MICU2: variants seen among roughly 807,000 people sequenced by gnomAD.
MICU2 encodes the protein mitochondrial calcium uptake 2.
Under a neutral mutation model 60.4 loss-of-function variants are expected in MICU2, and 64 were observed. The ratio of observed to expected loss-of-function variants is 1.06; its 90% CI spans 0.87 to 1.31. The LOEUF is 1.31. MICU2 is among the 50% of genes most tolerant of loss of function. The probability of loss-of-function intolerance (pLI) is 0.00; values close to 1 mark genes in which losing one functional copy is unlikely to be tolerated. For synonymous variants in MICU2, 201 were observed against 175.0 expected, an observed-to-expected ratio of 1.15 and a Z score of -1.17; for missense variants, 569 against 531.0, an observed-to-expected ratio of 1.07 and a Z score of -0.70.
intron 4 of MICU2, among the ~76,000 whole-genome samples, chr13:21,537,597 G>A (rs1352338443): frequency 6.6e-6 from 1 of 151,740 alleles, no homozygotes; most frequent in Non-Finnish European, 1.5e-5. Context: ...AGCCTCCTGA[G>A]TAGCTGGGAT....
intron 1 of MICU2, among the ~76,000 whole-genome samples, chr13:21,575,186 AT>A (rs1376315784): frequency 2.0e-5 from 3 of 151,326 alleles, no homozygotes; most frequent in South Asian, 2.1e-4. Context: ...TACACACATA[AT>A]TTTTTTTTCA....
chr13:21,585,711 C>T (rs946783170), intron 1 of MICU2, among the ~76,000 whole-genome samples: 5 of 152,122 alleles, frequency 3.3e-5, no homozygotes, highest in African/African-American at 1.2e-4. Context: ...GACAAAGATT[C>T]TACAACTAAT....
intron 2 of MICU2, among the ~76,000 whole-genome samples, chr13:21,558,178 G>C (rs1203519452): frequency 6.6e-6 from 1 of 152,146 alleles, no homozygotes; most frequent in Non-Finnish European, 1.5e-5. Context: ...TTTTAATGAA[G>C]ACTATCGCCC....
rs1444795451 is a variant in MICU2, at chr13:21,493,226, T to A, written c.*23A>T. 6.7e-7 allele frequency: 1 copy of A among 1,499,198 alleles called. No individual in the cohort carries two copies. The allele number at this position is 1,499,198 out of a possible 1,614,324, so 92.9% of individuals were successfully genotyped here. A position where few individuals can be genotyped will look rare whatever the true frequency, so the allele number is the denominator to read the frequency against. ...AATTTTGACATTTGGAACAATATAA[T>A]TGCCATACTATTATATCTTTTATTA... On this transcript the variant is annotated 3_prime_UTR_variant, in exon 12 of 12. Coordinates refer to ENST00000382374, the MANE Select transcript of MICU2 (RefSeq NM_152726.3).
At chr13:21,550,405 G>C (rs1294835590) in intron 2 of MICU2, among the ~76,000 whole-genome samples, 1 of 152,134 alleles carries the variant, frequency 6.6e-6, no homozygotes. Flanking sequence ...GAGTACAGCG[G>C]CATGTGCCTG....
At chr13:21,574,928 A>T (rs573298246) in intron 1 of MICU2, among the ~76,000 whole-genome samples, 40 of 152,368 alleles carry the variant, frequency 2.6e-4, no homozygotes, top group Admixed American at 1.8e-3. Context: ...GCCAGACTAA[A>T]TTAAAAATAT....
chr13:21,517,787 A>ACGCG (rs1345002997), intron 6 of MICU2, among the ~76,000 whole-genome samples: 2 of 95,094 alleles, frequency 2.1e-5, no homozygotes, highest in African/African-American at 4.0e-5. Flanking sequence ...ACACACACAC[A>ACGCG]CACACACACA....
Position 21,580,953 on chromosome 13 carries a change from T to G in MICU2, c.211-14009A>C, listed in dbSNP as rs565748017. Among the ~76,000 whole-genome samples, 56 of 152,144 alleles carry G rather than the reference T, an allele frequency of 3.7e-4. 4 individuals carry two copies. The South Asian group carries it at 0.011, about 31-fold the overall frequency. On this transcript the variant is annotated intron_variant, in intron 1 of 11. Coordinates refer to ENST00000382374, the MANE Select transcript of MICU2 (RefSeq NM_152726.3). Reference sequence around the variant, plus strand: ...TAAAACAGGGCTAACTGGGTTAGAATAGAGAATGTACAGAGTCAGAACAAA... The same window carrying G: ...TAAAACAGGGCTAACTGGGTTAGAAGAGAGAATGTACAGAGTCAGAACAAA...
intron 2 of MICU2, among the ~76,000 whole-genome samples, chr13:21,565,818 G>A (rs1416039527): frequency 6.6e-6 from 1 of 152,200 alleles, no homozygotes; most frequent in African/African-American, 2.4e-5. Context: ...GGGAGACAGA[G>A]CAAGACTCTG....
chr13:21,544,054 G>C (rs977636896), intron 2 of MICU2, among the ~76,000 whole-genome samples: 1 of 152,108 alleles, frequency 6.6e-6, no homozygotes, highest in Admixed American at 6.6e-5. Context: ...AAGAACCTAA[G>C]TTGAGGAGAG....
intron 2 of MICU2, among the ~76,000 whole-genome samples, chr13:21,544,528 A>AAC (rs1276455416): frequency 7.4e-5 from 11 of 148,088 alleles, no homozygotes; most frequent in Admixed American, 2.7e-4. Flanking sequence ...AAAAAAAAAA[A>AAC]AAAAAACTCA....
At chr13:21,551,706 C>A (rs867214199) in intron 2 of MICU2, among the ~76,000 whole-genome samples, 3 of 150,506 alleles carry the variant, frequency 2.0e-5, no homozygotes, top group African/African-American at 7.3e-5. Flanking sequence ...TTAGTCCTTG[C>A]GATAGTTTGC....
intron 4 of MICU2, among the ~76,000 whole-genome samples, chr13:21,526,279 T>C (rs1392704173): frequency 6.6e-6 from 1 of 151,954 alleles, no homozygotes; most frequent in African/African-American, 2.4e-5. Context: ...TCTCTCTTAA[T>C]ATATACGTTT....
chr13:21,586,582 T>C (rs912586192), intron 1 of MICU2, among the ~76,000 whole-genome samples: 5 of 152,098 alleles, frequency 3.3e-5, no homozygotes, highest in Non-Finnish European at 7.4e-5. Flanking sequence ...CATTTTTTTT[T>C]CTATTTTTTT....
intron 1 of MICU2, chr13:21,603,692 A>G (rs1888879907): frequency 3.6e-6 from 2 of 552,114 alleles, no homozygotes; most frequent in Admixed American, 3.5e-5. Flanking sequence ...CGTGGTGTTC[A>G]GCGTCCGCGG....
At chr13:21,564,362 C>T (rs1021045012) in intron 2 of MICU2, among the ~76,000 whole-genome samples, 1 of 152,130 alleles carries the variant, frequency 6.6e-6, no homozygotes, top group African/African-American at 2.4e-5. Flanking sequence ...AAAATTTCCT[C>T]TGGTGCCTTT....
intron 1 of MICU2, among the ~76,000 whole-genome samples, chr13:21,602,213 C>A (rs1566174807): frequency 2.0e-5 from 3 of 150,916 alleles, no homozygotes; most frequent in Admixed American, 1.3e-4. Context: ...AGAAGATTAA[C>A]CTAAGGGTCT....
intron 1 of MICU2, among the ~76,000 whole-genome samples, chr13:21,574,116 G>A (rs1312608584): frequency 1.3e-5 from 2 of 152,198 alleles, no homozygotes; most frequent in Admixed American, 1.3e-4. Context: ...GGTATGGAAT[G>A]CAGTGGTGGA....
chr13:21,523,506 TA>T (rs1019584156), intron 4 of MICU2, among the ~76,000 whole-genome samples: 1 of 152,242 alleles, frequency 6.6e-6, no homozygotes, highest in African/African-American at 2.4e-5. Context: ...TAAAACGTAG[TA>T]ATTAGTTCTT....
Sources: gnomAD v4.1 joint callset for allele counts (sites outside exome capture counted in the v4.1 genomes callset) on GRCh38, gnomAD v4.1.1 for gene constraint, MANE v1.5 for transcripts, NCBI Gene and HGNC (gene_info 2026-07-23, HGNC 2026-07-21) for gene names.